Variants in ARHGAP24 observed in about 807,000 individuals in gnomAD.
ARHGAP24 encodes Rho GTPase activating protein 24.
Under a neutral mutation model 76.4 loss-of-function variants are expected in ARHGAP24, and 50 were observed. The ratio of observed to expected loss-of-function variants is 0.65; its 90% CI spans 0.52 to 0.83. ARHGAP24 has a LOEUF of 0.83. Ranked by LOEUF, ARHGAP24 falls within the 40% of genes least tolerant of loss-of-function variation. The pLI, the probability that ARHGAP24 is intolerant of heterozygous loss-of-function variation, is 0.00. For synonymous variants in ARHGAP24, 345 were observed against 323.3 expected, an observed-to-expected ratio of 1.07 and a Z score of -0.72; for missense variants, 930 against 914.2, an observed-to-expected ratio of 1.02 and a Z score of -0.22.
chr4:85,704,562 C>T (rs954972876), intron 2 of ARHGAP24, among the ~76,000 whole-genome samples: 1 of 152,068 alleles, frequency 6.6e-6, no homozygotes, highest in African/African-American at 2.4e-5. Context: ...ATGTATTTTC[C>T]ATTTACTGGA....
chr4:85,891,123 G>A (rs1425664392), intron 3 of ARHGAP24, among the ~76,000 whole-genome samples: 2 of 152,174 alleles, frequency 1.3e-5, no homozygotes, highest in African/African-American at 4.8e-5. Flanking sequence ...TTTGGAAGTA[G>A]TGCTAATATG....
At chr4:85,741,380 A>G (rs1725821060) in intron 3 of ARHGAP24, among the ~76,000 whole-genome samples, 1 of 152,272 alleles carries the variant, frequency 6.6e-6, no homozygotes, top group African/African-American at 2.4e-5. Context: ...TTTAAAATAA[A>G]TAAATACATA....
At position 85,868,986 on chromosome 4, in the gene ARHGAP24, A is replaced by G. The variant is rs1325272518; in HGVS notation, c.269-54662A>G. Reference sequence around the variant, plus strand: ...GTATTTTGTATATCATATATCTATCATACTTGTATATCTTTTGATACATGT... The same window carrying G: ...GTATTTTGTATATCATATATCTATCGTACTTGTATATCTTTTGATACATGT... On this transcript the variant is annotated intron_variant, in intron 3 of 9. Transcript: ENST00000395184. Among the ~76,000 whole-genome samples, 3 of 151,968 alleles carry G rather than the reference A, an allele frequency of 2.0e-5. No individual in the cohort carries two copies. The South Asian group carries it at 6.2e-4, about 32-fold the overall frequency.
At chr4:85,955,319 T>C (rs1737848688) in intron 5 of ARHGAP24, among the ~76,000 whole-genome samples, 1 of 151,032 alleles carries the variant, frequency 6.6e-6, no homozygotes, top group South Asian at 2.1e-4. Flanking sequence ...GAGTTTTCCA[T>C]GATCCCTGTA....
chr4:85,651,616 A>AG lies in ARHGAP24; in HGVS notation c.181-70269_181-70268insG, dbSNP rs1423853318. 1.9e-4 allele frequency among the ~76,000 whole-genome samples: 28 copies of AG among 148,956 alleles called. 1 individual carries two copies. The highest frequency in any genetic ancestry group is 3.1e-4 in the Non-Finnish European group (21 of 67,890). On this transcript the variant is annotated intron_variant, in intron 2 of 9. Coordinates refer to ENST00000395184, the MANE Select transcript of ARHGAP24 (RefSeq NM_001025616.3). ...TCCTCATAATTACTAGTGTTTTATT[A>AG]TTAATACTCACTTTTAGTCTTTACC...
chr4:85,909,092 T>C (rs1340030572), intron 3 of ARHGAP24, among the ~76,000 whole-genome samples: 1 of 152,198 alleles, frequency 6.6e-6, no homozygotes, highest in Non-Finnish European at 1.5e-5. Flanking sequence ...TACTTCCAGG[T>C]CTGATTTTGA....
intron 1 of ARHGAP24, among the ~76,000 whole-genome samples, chr4:85,557,201 C>G (rs1726417617): frequency 6.6e-6 from 1 of 152,176 alleles, no homozygotes; most frequent in Admixed American, 6.5e-5. Flanking sequence ...GCCAATGGGC[C>G]TTATCCTGCA....
At chr4:85,665,995 T>G (rs1273618577) in intron 2 of ARHGAP24, among the ~76,000 whole-genome samples, 1 of 152,244 alleles carries the variant, frequency 6.6e-6, no homozygotes, top group Non-Finnish European at 1.5e-5. Flanking sequence ...TTATGTGTCT[T>G]GAAGTTTCAC....
chr4:85,591,641 G>GT (rs1728114856), intron 2 of ARHGAP24, among the ~76,000 whole-genome samples: 1 of 152,180 alleles, frequency 6.6e-6, no homozygotes, highest in African/African-American at 2.4e-5. Context: ...ATTAGTTAAA[G>GT]TATTAGCTTG....
chr4:85,984,281 A>AAC, intron 8 of ARHGAP24, among the ~76,000 whole-genome samples: 1 of 152,324 alleles, frequency 6.6e-6, no homozygotes, highest in Middle Eastern at 3.4e-3. Flanking sequence ...ACTATAACAA[A>AAC]ACACCATAGA....
chr4:85,735,137 G>A (rs539563446), intron 3 of ARHGAP24, among the ~76,000 whole-genome samples: 2 of 152,180 alleles, frequency 1.3e-5, no homozygotes, highest in South Asian at 4.1e-4. Flanking sequence ...TGGCTCCTGT[G>A]TGTATTCTCA....
intron 1 of ARHGAP24, among the ~76,000 whole-genome samples, chr4:85,543,180 G>A (rs1420523055): frequency 1.3e-5 from 2 of 152,130 alleles, no homozygotes; most frequent in Non-Finnish European, 2.9e-5. Flanking sequence ...AGGTATATTG[G>A]GCTAGATTAT....
At chr4:85,505,215 C>T (rs888718373) in intron 1 of ARHGAP24, among the ~76,000 whole-genome samples, 4 of 152,118 alleles carry the variant, frequency 2.6e-5, no homozygotes, top group Non-Finnish European at 4.4e-5. Flanking sequence ...TTGCTCTTCT[C>T]GAGGAGTATC....
intron 2 of ARHGAP24, among the ~76,000 whole-genome samples, chr4:85,632,759 C>A (rs937239751): frequency 6.6e-6 from 1 of 151,936 alleles, no homozygotes; most frequent in Admixed American, 6.6e-5. Context: ...ATTGCAATTA[C>A]CTGCTGCTAT....
At chr4:85,504,805 T>C (rs908832151) in intron 1 of ARHGAP24, among the ~76,000 whole-genome samples, 1 of 152,248 alleles carries the variant, frequency 6.6e-6, no homozygotes, top group African/African-American at 2.4e-5. Flanking sequence ...ATGCAGTTTC[T>C]TCATAGCATC....
intron 2 of ARHGAP24, among the ~76,000 whole-genome samples, chr4:85,662,424 G>C (rs1722431264): frequency 6.6e-6 from 1 of 150,754 alleles, no homozygotes; most frequent in Non-Finnish European, 1.5e-5. Context: ...TTATCCCTTT[G>C]TCAGATGAGT....
intron 1 of ARHGAP24, among the ~76,000 whole-genome samples, chr4:85,552,513 G>C (rs1233581269): frequency 1.3e-5 from 2 of 152,114 alleles, no homozygotes; most frequent in Non-Finnish European, 2.9e-5. Flanking sequence ...TGAGTGGAGA[G>C]TTCTGTAGAT....
rs1732740227 is a variant in ARHGAP24 at position 85,874,803 on chromosome 4, A to AAATATATTTTTATATAATTTATATAT, written c.269-48843_269-48842insTATATTTTTATATAATTTATATATAA. On this transcript the variant is annotated intron_variant, in intron 3 of 9. Transcript: ENST00000395184. ...ATATATTTATATATAATTTATATAT[A>AAATATATTTTTATATAATTTATATAT]AAATATATTTATATATAATTTATAT... is the stretch of plus-strand genomic sequence containing the variant. 7.1e-4 allele frequency among the ~76,000 whole-genome samples: 6 copies of AAATATATTTTTATATAATTTATATAT among 8,496 alleles called. 1 individual carries two copies. Among genetic ancestry groups the AAATATATTTTTATATAATTTATATAT allele is most frequent in the African/African-American group, 1.7e-3 (6 of 3,552 alleles). 5.6% of individuals were successfully genotyped at this position (8,496 alleles called of 152,430 possible).
intron 2 of ARHGAP24, among the ~76,000 whole-genome samples, chr4:85,676,498 G>C (rs978762948): frequency 6.6e-6 from 1 of 152,140 alleles, no homozygotes; most frequent in African/African-American, 2.4e-5. Context: ...CTGGGTTTAG[G>C]GGTGGAGTTG....
Sources: allele counts gnomAD v4.1 joint callset (sites outside exome capture counted in the v4.1 genomes callset), GRCh38; gene constraint gnomAD v4.1.1; transcripts MANE v1.5; gene names NCBI Gene and HGNC (gene_info 2026-07-23, HGNC 2026-07-21).